The following MIR17HG variants were observed in gnomAD, a reference collection of about 807,000 sequenced individuals.
MIR17HG encodes the protein miR-17-92a-1 cluster host gene.
chr13:91,350,958 C>G (rs1265327793), intron 3 of MIR17HG: 1 of 532,728 alleles, frequency 1.9e-6, no homozygotes, highest in Non-Finnish European at 3.9e-6. Context: ...CTATGCAAAA[C>G]TGATGGTGGC....
At chr13:91,352,202 T>A (rs907594721) in intron 3 of MIR17HG, 14 of 152,222 alleles carry the variant, frequency 9.2e-5, no homozygotes, top group Non-Finnish European at 1.8e-4. Context: ...GATAGTTGAT[T>A]CCAGGCTTAT....
exon 4 of MIR17HG, chr13:91,354,249 T>G: frequency 6.6e-6 from 1 of 152,234 alleles, no homozygotes; most frequent in Non-Finnish European, 1.5e-5. Flanking sequence ...TTAGTGGTTG[T>G]ATGAGTTACA....
chr13:91,354,390 GCTTAATTT>G (rs1875470096), exon 4 of MIR17HG: 3 of 152,158 alleles, frequency 2.0e-5, no homozygotes, highest in African/African-American at 7.2e-5. Flanking sequence ...GTTGAAGAAT[GCTTAATTT>G]TCTTATCCAG....
At chr13:91,350,353 C>T (rs1452062686) in intron 3 of MIR17HG, 1 of 292,656 alleles carries the variant, frequency 3.4e-6, no homozygotes, top group Non-Finnish European at 6.8e-6. Flanking sequence ...TTGGAAGAGC[C>T]ACCACTTCCA....
intron 1 of MIR17HG, among the ~76,000 whole-genome samples, chr13:91,349,282 C>T (rs970159736): frequency 4.6e-5 from 7 of 152,300 alleles, no homozygotes; most frequent in African/African-American, 1.4e-4. Flanking sequence ...AACGGCATGC[C>T]ATCAGGACCA....
chr13:91,353,912 T>G (rs1320084292), intron 3 of MIR17HG: 1 of 152,648 alleles, frequency 6.6e-6, no homozygotes, highest in Non-Finnish European at 1.5e-5. Flanking sequence ...ACTGAAAACT[T>G]TTGAGATCTT....
intron 3 of MIR17HG, chr13:91,352,294 A>G (rs1011298478): frequency 5.9e-5 from 9 of 152,166 alleles, no homozygotes; most frequent in African/African-American, 2.2e-4. Context: ...TCTTTTCTTC[A>G]TGTGTTTTTG....
At chr13:91,348,817 G>A (rs1379027758) in intron 1 of MIR17HG, among the ~76,000 whole-genome samples, 3 of 149,892 alleles carry the variant, frequency 2.0e-5, no homozygotes, top group African/African-American at 4.9e-5. Context: ...GAGGGCGGGG[G>A]ACATGGCGGC....
At chr13:91,353,704 C>T (rs1478107657) in intron 3 of MIR17HG, among the ~76,000 whole-genome samples, 1 of 151,548 alleles carries the variant, frequency 6.6e-6, no homozygotes, top group Non-Finnish European at 1.5e-5. Flanking sequence ...CTTGAAGTTG[C>T]TTGAGACTTA....
chr13:91,351,070 A>G (rs1221528084), intron 3 of MIR17HG: 3 of 524,896 alleles, frequency 5.7e-6, no homozygotes, highest in Non-Finnish European at 1.2e-5. Flanking sequence ...CTTCTGTAGC[A>G]CTAAAGTGCT....
At chr13:91,353,753 C>T (rs1438110500) in intron 3 of MIR17HG, among the ~76,000 whole-genome samples, 1 of 147,730 alleles carries the variant, frequency 6.8e-6, no homozygotes, top group Non-Finnish European at 1.5e-5. Context: ...ATAGCCTTAA[C>T]TATTTGGAGG....
intron 1 of MIR17HG, among the ~76,000 whole-genome samples, chr13:91,348,998 CGCCGCGCGGCTGCCGCCGGGA>C (rs1209583099): frequency 2.0e-5 from 3 of 149,050 alleles, no homozygotes; most frequent in Non-Finnish European, 4.5e-5. Context: ...CGCCGCCGGT[CGCCGCGCGGCTGCCGCCGGGA>C]AACGGGTTGG....
At chr13:91,348,828 G>A (rs1594011796) in intron 1 of MIR17HG, among the ~76,000 whole-genome samples, 2 of 149,670 alleles carry the variant, frequency 1.3e-5, no homozygotes, top group Admixed American at 6.6e-5. Context: ...ACATGGCGGC[G>A]ACTGCGCGCC....
chr13:91,348,567 C>T lies in MIR17HG; in HGVS notation n.140+608C>T, dbSNP rs891790986. ...GTGGGCGGAGGGGCGCCGAGATCGG[C>T]GCGGCCTGGGCGCCACCCCCGCTCC... On this transcript the variant is annotated intron_variant and non_coding_transcript_variant, in intron 1 of 3. Coordinates refer to ENST00000400282, the Ensembl canonical transcript of MIR17HG. Among the ~76,000 whole-genome samples the T allele has an allele frequency of 6.5e-4, 98 of 151,204 alleles. 2 individuals are homozygous for T. Among genetic ancestry groups the T allele is most frequent in the Non-Finnish European group, 4.7e-4 (32 of 67,698 alleles).
chr13:91,353,202 A>AT (rs1340145816), intron 3 of MIR17HG, among the ~76,000 whole-genome samples: 1 of 151,570 alleles, frequency 6.6e-6, no homozygotes, highest in Admixed American at 6.6e-5. Context: ...TACACTAGCA[A>AT]TTTTTTTAAA....
intron 3 of MIR17HG, chr13:91,350,325 T>C: frequency 3.7e-6 from 1 of 269,346 alleles, no homozygotes. Flanking sequence ...TGTCAATCCA[T>C]TTGGGAGAGG....
At chr13:91,351,110 T>G (rs1427346514) in intron 3 of MIR17HG, 1 of 524,844 alleles carries the variant, frequency 1.9e-6, no homozygotes, top group Non-Finnish European at 4.0e-6. Context: ...AGTTATCTAC[T>G]GCATTATGAG....
chr13:91,352,558 A>T (rs1459007391), intron 3 of MIR17HG, among the ~76,000 whole-genome samples: 1 of 152,256 alleles, frequency 6.6e-6, no homozygotes, highest in Non-Finnish European at 1.5e-5. Context: ...TCTGAAGTCT[A>T]ACAAAAGTTT....
chr13:91,352,573 C>G (rs1196595272), intron 3 of MIR17HG, among the ~76,000 whole-genome samples: 7 of 152,148 alleles, frequency 4.6e-5, no homozygotes, highest in Admixed American at 4.6e-4. Flanking sequence ...AAGTTTTCAC[C>G]TCTAATGTGT....
Sources: gnomAD v4.1 joint callset for allele counts (sites outside exome capture counted in the v4.1 genomes callset) on GRCh38, gnomAD v4.1.1 for gene constraint, MANE v1.5 for transcripts, NCBI Gene and HGNC (gene_info 2026-07-23, HGNC 2026-07-21) for gene names.